Variants in XPNPEP2 observed in about 807,000 individuals in gnomAD.
The protein encoded by XPNPEP2 is xaa-Pro aminopeptidase 2.
A neutral mutation model predicts 59.8 loss-of-function variants in XPNPEP2; 64 were observed. The ratio of observed to expected loss-of-function variants is 1.07; its 90% CI spans 0.87 to 1.32. The LOEUF (loss-of-function observed/expected upper bound fraction) is 1.32, where lower values mean the gene tolerates loss of function less well. Ranked by LOEUF, XPNPEP2 falls within the 40% of genes most tolerant of loss-of-function variation. XPNPEP2 has a pLI of 0.00. For missense variants in XPNPEP2, 575 were observed against 546.8 expected (o/e 1.05, Z -0.51); for synonymous variants, 235 against 210.0 (o/e 1.12, Z -1.03).
In XPNPEP2 at chrX:129,743,963, C is replaced by A; in HGVS notation, c.126C>A (p.Tyr42Ter). ...AATGTCTTCTTGTCATCTGTCAGTA[C>A]CTTCCAGTTACTGTGGTCAATACCA... ...DVRNCSTNPP[Y>*]LPVTVVNTTM... The change falls in exon 3 of 21, where the codon TAC (tyrosine) becomes TAA (stop). Residue 42 changes from tyrosine to a stop codon, truncating the protein, a stop_gained and splice_region_variant. Transcript: ENST00000371106. LOFTEE classifies it high-confidence loss of function. 1 of 1,203,918 alleles carries A rather than the reference C, an allele frequency of 8.3e-7. No homozygotes were observed. The highest frequency in any genetic ancestry group is 2.2e-5 in the Admixed American group (1 of 46,027).
At chrX:129,745,766 C>T (rs1392696037) in intron 4 of XPNPEP2, among the ~76,000 whole-genome samples, 1 of 111,690 alleles carries the variant, frequency 9.0e-6, no homozygotes, top group Non-Finnish European at 1.9e-5. Context: ...TGAATGAAAT[C>T]CAAGCTTCCT....
Position 129,739,192 on chromosome X carries a change from A to T in XPNPEP2, c.-22A>T, listed in dbSNP as rs201581314. The stretch of plus-strand genomic sequence containing the variant: ...CTCTCCCTTGTCCCTCCATCCACCC[A>T]GCGCCGGCATCTGGAGACCCTATGG... On this transcript the variant is annotated 5_prime_UTR_variant, in exon 1 of 21. Coordinates refer to ENST00000371106, the MANE Select transcript of XPNPEP2 (RefSeq NM_003399.6). 496 of 1,204,376 alleles carry T rather than the reference A, an allele frequency of 4.1e-4. 2 individuals carry two copies. The South Asian group carries it at 7.1e-3, about 17-fold the overall frequency.
At chrX:129,751,618 GGAAGGAAGGAAGGAAGGAAGGA>G (rs1926416864) in intron 8 of XPNPEP2, 105 bp from the exon 9 acceptor site, 13 of 302,550 alleles carry the variant, frequency 4.3e-5, no homozygotes, top group Non-Finnish European at 6.3e-5. Context: ...AAGGAAGGAA[GGAAGGAAGGAAGGAAGGAAGGA>G]AGGGAGGAAG....
At chrX:129,744,407 G>A (rs1464408223) in intron 3 of XPNPEP2, among the ~76,000 whole-genome samples, 2 of 112,207 alleles carry the variant, frequency 1.8e-5, no homozygotes, top group African/African-American at 6.5e-5. Context: ...AAATTGGGCT[G>A]GAAGAACTCC....
Position 129,759,246 on chromosome X carries a change from C to A in XPNPEP2, c.1428+6C>A. The A allele has an allele frequency of 8.3e-7, 1 of 1,211,743 alleles. No homozygotes were observed. Among genetic ancestry groups the A allele is most frequent in the Non-Finnish European group, 1.1e-6 (1 of 895,379 alleles). On this transcript the variant is annotated splice_donor_region_variant and intron_variant, in intron 15 of 20. Transcript: ENST00000371106. ...CCCCCTCTGCCTTCCAGAAGGTAAGCATGGGCCCAGATTTCCCCTCACCAC... is the reference window on the plus strand; with the variant it reads ...CCCCCTCTGCCTTCCAGAAGGTAAGAATGGGCCCAGATTTCCCCTCACCAC...
intron 15 of XPNPEP2, 44 bp downstream of exon 15, chrX:129,759,284 G>T (rs1926612677): frequency 8.4e-7 from 1 of 1,190,260 alleles, no homozygotes. Context: ...TCCCCCAAGG[G>T]GGCACCCAAG....
At chrX:129,759,852 C>A (rs935614855) in intron 15 of XPNPEP2, among the ~76,000 whole-genome samples, 3 of 112,533 alleles carry the variant, frequency 2.7e-5, no homozygotes, top group Non-Finnish European at 5.6e-5. Context: ...AGCCTGTGAA[C>A]CTGTGTGGTG....
intron 10 of XPNPEP2, among the ~76,000 whole-genome samples, chrX:129,752,930 C>T (rs1456645275): frequency 4.5e-5 from 5 of 112,342 alleles, no homozygotes; most frequent in Non-Finnish European, 9.4e-5. Flanking sequence ...CAGTGTCAAT[C>T]AAGGAAGCCT....
chrX:129,745,305 G>T, intron 4 of XPNPEP2, 39 bp downstream of exon 4: 1 of 1,201,258 alleles, frequency 8.3e-7, no homozygotes, highest in Non-Finnish European at 1.1e-6. Flanking sequence ...TTTGTTGGTA[G>T]ATCCAGAGGT....
chrX:129,762,181 G>T, intron 18 of XPNPEP2, 116 bp downstream of exon 18: 1 of 768,374 alleles, frequency 1.3e-6, no homozygotes, highest in Non-Finnish European at 2.0e-6. Context: ...AGTACAGCTC[G>T]GGACTCACCT....
At chrX:129,742,319 CCCT>C in intron 2 of XPNPEP2, 138 bp downstream of exon 2, 1 of 351,502 alleles carries the variant, frequency 2.8e-6, no homozygotes, top group Non-Finnish European at 5.0e-6. Flanking sequence ...AGTTGGTAGC[CCCT>C]CCTCCTACCA....
At chrX:129,757,329 C>G (rs1049844277) in intron 14 of XPNPEP2, among the ~76,000 whole-genome samples, 1 of 110,113 alleles carries the variant, frequency 9.1e-6, no homozygotes, top group Admixed American at 9.8e-5. Context: ...ATACCCTACT[C>G]TCATCCACTA....
chrX:129,747,428 C>T (rs1361700894), intron 6 of XPNPEP2, among the ~76,000 whole-genome samples, 179 bp from the exon 7 acceptor site: 1 of 111,841 alleles, frequency 8.9e-6, no homozygotes, highest in Non-Finnish European at 1.9e-5. Context: ...GGATGAGAAA[C>T]ATACCCCAGC....
At chrX:129,757,841 A>G (rs1393314446) in intron 14 of XPNPEP2, among the ~76,000 whole-genome samples, 1 of 86,999 alleles carries the variant, frequency 1.1e-5, no homozygotes, top group Admixed American at 1.3e-4. Flanking sequence ...GAAAGAAAGA[A>G]AGAAAGAAAG....
In XPNPEP2 at chrX:129,739,133, C is replaced by T; in HGVS notation, c.-81C>T. ...TCTGTCTGCTCGAGCCCAGGAAAGG[C>T]CTGAAGGAAGAGGCCGGGGAAAGAG... On this transcript the variant is annotated 5_prime_UTR_variant, in exon 1 of 21. Coordinates refer to ENST00000371106, the MANE Select transcript of XPNPEP2 (RefSeq NM_003399.6). 1 of 1,051,781 alleles carries T rather than the reference C, an allele frequency of 9.5e-7. No individual in the cohort carries two copies. Among genetic ancestry groups the T allele is most frequent in the Non-Finnish European group, 1.3e-6 (1 of 768,923 alleles). The allele number at this position is 1,051,781 out of a possible 1,213,427, so 86.7% of individuals were successfully genotyped here.
Position 129,767,679 on chromosome X carries a change from T to C in XPNPEP2, c.1817T>C (p.Leu606Pro), listed in dbSNP as rs1308026148. 8.3e-7 allele frequency: 1 copy of C among 1,211,846 alleles called. No homozygotes were observed. Among genetic ancestry groups the C allele is most frequent in the African/African-American group, 1.7e-5 (1 of 57,830 alleles). ...YDRNLIDVSLLSPEHLQYLNR... is the reference protein window; with the variant it reads ...YDRNLIDVSLPSPEHLQYLNR... ...CGGAACCTCATCGATGTCAGCCTGC[T>C]GTCTCCCGAGCATGTGAGTGCCCCT... The change falls in exon 20 of 21, where the codon CTG (leucine) becomes CCG (proline). Residue 606 changes from leucine (L) to proline (P), a missense_variant. Transcript: ENST00000371106.
At chrX:129,741,379 T>C (rs1926178225) in intron 1 of XPNPEP2, among the ~76,000 whole-genome samples, 2 of 112,356 alleles carry the variant, frequency 1.8e-5, no homozygotes, top group African/African-American at 6.5e-5. Flanking sequence ...TGACTCCTGG[T>C]GGCACAAGTT....
chrX:129,759,581 C>T (rs934999504), intron 15 of XPNPEP2, among the ~76,000 whole-genome samples: 15 of 112,642 alleles, frequency 1.3e-4, no homozygotes, highest in East Asian at 5.6e-4. Flanking sequence ...GTGAAGCCTC[C>T]GCGGTGGAAA....
chrX:129,763,188 T>A (rs1926688732), intron 19 of XPNPEP2, among the ~76,000 whole-genome samples: 1 of 112,510 alleles, frequency 8.9e-6, no homozygotes, highest in African/African-American at 3.2e-5. Flanking sequence ...AAAAAAGATT[T>A]AAGTAAATGG....
Sources: gnomAD v4.1 joint callset for allele counts (sites outside exome capture counted in the v4.1 genomes callset) on GRCh38, gnomAD v4.1.1 for gene constraint, MANE v1.5 for transcripts, NCBI Gene and HGNC (gene_info 2026-07-23, HGNC 2026-07-21) for gene names.